GRM7: variants seen among roughly 807,000 people sequenced by gnomAD.
The protein encoded by GRM7 is metabotropic glutamate receptor 7.
GRM7 carries 35 observed loss-of-function variants against 84.5 expected under a neutral mutation model. That is an observed-to-expected ratio of 0.41 (90% CI 0.32 to 0.55). The LOEUF is 0.55. GRM7 is among the 20% of genes least tolerant of loss of function. GRM7 has a pLI of 0.19. For missense variants in GRM7, 1,003 were observed against 1,194.6 expected, an observed-to-expected ratio of 0.84 and a Z score of 2.36; for synonymous variants, 487 against 455.1, an observed-to-expected ratio of 1.07 and a Z score of -0.89.
At chr3:7,625,531 T>A (rs62235226) in intron 8 of GRM7, among the ~76,000 whole-genome samples, 20,060 of 152,128 alleles carry the variant, frequency 0.13, 1,530 homozygotes, top group Non-Finnish European at 0.17. Context: ...TTGGCTGGGC[T>A]TGGTGGCCCC....
intron 1 of GRM7, among the ~76,000 whole-genome samples, chr3:7,017,547 T>C (rs1436479560): frequency 6.6e-6 from 1 of 152,170 alleles, no homozygotes; most frequent in African/African-American, 2.4e-5. Flanking sequence ...AAAGTAATGC[T>C]GTGGCCATCA....
At position 7,467,190 on chromosome 3, in the gene GRM7, C is replaced by T. The variant is rs141416471; in HGVS notation, c.1515+5468C>T. Among the ~76,000 whole-genome samples, 1,013 of 152,218 alleles carry T rather than the reference C, an allele frequency of 6.7e-3. 14 individuals are homozygous for T. Among genetic ancestry groups the T allele is most frequent in the South Asian group, 0.047 (229 of 4,824 alleles). ...GCAACCTCCGCCTCCCAGGTTCAAA[C>T]GACTCTCATGCCTCAGCCTCCTGAG... On this transcript the variant is annotated intron_variant, in intron 7 of 9. Transcript: ENST00000357716.
intron 9 of GRM7, among the ~76,000 whole-genome samples, chr3:7,709,483 G>A (rs1701505785): frequency 6.6e-6 from 1 of 152,124 alleles, no homozygotes; most frequent in African/African-American, 2.4e-5. Flanking sequence ...AGAAATGAGT[G>A]TCAGTGGAGA....
At chr3:7,133,966 C>T (rs1160693610) in intron 1 of GRM7, among the ~76,000 whole-genome samples, 1 of 152,140 alleles carries the variant, frequency 6.6e-6, no homozygotes, top group Non-Finnish European at 1.5e-5. Flanking sequence ...AAGTATTTCT[C>T]TAATCTACAG....
intron 1 of GRM7, among the ~76,000 whole-genome samples, chr3:6,948,394 G>C (rs1397717763): frequency 6.6e-6 from 1 of 152,156 alleles, no homozygotes; most frequent in Non-Finnish European, 1.5e-5. Context: ...CTGAGTTCTA[G>C]TTTGATTGCA....
intron 8 of GRM7, among the ~76,000 whole-genome samples, chr3:7,662,732 G>A (rs989426226): frequency 6.6e-6 from 1 of 152,186 alleles, no homozygotes; most frequent in African/African-American, 2.4e-5. Context: ...AGCAGGAAAT[G>A]AACAGATGGT....
chr3:6,995,180 TA>T (rs1182923378), intron 1 of GRM7, among the ~76,000 whole-genome samples: 4 of 152,228 alleles, frequency 2.6e-5, no homozygotes, highest in Admixed American at 6.5e-5. Flanking sequence ...ACATGAGTGA[TA>T]AATGCATTTT....
intron 1 of GRM7, among the ~76,000 whole-genome samples, chr3:6,951,772 A>G (rs1409932417): frequency 6.6e-6 from 1 of 152,210 alleles, no homozygotes; most frequent in Non-Finnish European, 1.5e-5. Context: ...AATGTCAATT[A>G]GGTCAAGTTA....
chr3:7,227,487 G>A (rs530048565), intron 2 of GRM7, among the ~76,000 whole-genome samples: 48 of 152,108 alleles, frequency 3.2e-4, no homozygotes, highest in African/African-American at 1.1e-3. Context: ...CTATTGTATC[G>A]CATGCCTACT....
intron 3 of GRM7, among the ~76,000 whole-genome samples, chr3:7,305,347 T>TC (rs1303743370): frequency 2.0e-5 from 2 of 98,900 alleles, no homozygotes; most frequent in African/African-American, 6.3e-5. Flanking sequence ...TTTTTTCTTT[T>TC]TTTTTTTTTT....
intron 2 of GRM7, among the ~76,000 whole-genome samples, chr3:7,243,363 C>G (rs555187362): frequency 6.6e-6 from 1 of 152,138 alleles, no homozygotes; most frequent in South Asian, 2.1e-4. Context: ...AACTTAATTT[C>G]CTAGCTAAAA....
At chr3:7,020,692 TATC>T (rs1381230915) in intron 1 of GRM7, among the ~76,000 whole-genome samples, 2 of 152,218 alleles carry the variant, frequency 1.3e-5, no homozygotes, top group South Asian at 2.1e-4. Context: ...ACACTATAAA[TATC>T]ATCCTGGTAA....
At chr3:6,999,031 A>C (rs1032927416) in intron 1 of GRM7, among the ~76,000 whole-genome samples, 2 of 152,218 alleles carry the variant, frequency 1.3e-5, no homozygotes, top group African/African-American at 4.8e-5. Context: ...TTCTCCCCAG[A>C]AAATGGGTTT....
intron 2 of GRM7, among the ~76,000 whole-genome samples, chr3:7,276,749 T>C (rs1307975286): frequency 1.6e-3 from 50 of 30,530 alleles, no homozygotes; most frequent in African/African-American, 5.2e-3. Context: ...TTCTTTCTGT[T>C]TCTTTCTCTC....
intron 1 of GRM7, among the ~76,000 whole-genome samples, chr3:6,945,446 T>C (rs1575048202): frequency 1.3e-5 from 2 of 152,206 alleles, no homozygotes; most frequent in Admixed American, 6.5e-5. Context: ...CCACATTTTC[T>C]TAATCCAGTC....
chr3:7,052,879 A>T (rs1166464945), intron 1 of GRM7, among the ~76,000 whole-genome samples: 1 of 151,448 alleles, frequency 6.6e-6, no homozygotes, highest in Non-Finnish European at 1.5e-5. Flanking sequence ...TTCAGTAGAC[A>T]TATGCCTTAA....
chr3:7,700,011 G>C (rs1701168632), intron 9 of GRM7, among the ~76,000 whole-genome samples: 1 of 152,136 alleles, frequency 6.6e-6, no homozygotes, highest in Non-Finnish European at 1.5e-5. Context: ...TGGGTGAGAT[G>C]GCACAAGCTA....
intron 1 of GRM7, among the ~76,000 whole-genome samples, chr3:6,950,645 C>T (rs1210297479): frequency 2.0e-5 from 3 of 152,206 alleles, no homozygotes; most frequent in Non-Finnish European, 2.9e-5. Context: ...CTGTGCCCTG[C>T]CCCCAGAGGT....
chr3:7,382,883 G>C lies in GRM7; in HGVS notation c.1034-32140G>C, dbSNP rs565369426. 3.9e-5 allele frequency among the ~76,000 whole-genome samples: 6 copies of C among 152,304 alleles called. 1 individual carries two copies. Among genetic ancestry groups the C allele is most frequent in the Admixed American group, 3.9e-4 (6 of 15,294 alleles). ...TCAGTAGGCTCTGGACTTTGGAACA[G>C]ATCATTTACATCTCATTTCACACAT... On this transcript the variant is annotated intron_variant, in intron 4 of 9. Coordinates refer to ENST00000357716, the MANE Select transcript of GRM7 (RefSeq NM_000844.4).
Sources: gnomAD v4.1 joint callset for allele counts (sites outside exome capture counted in the v4.1 genomes callset) on GRCh38, gnomAD v4.1.1 for gene constraint, MANE v1.5 for transcripts, NCBI Gene and HGNC (gene_info 2026-07-23, HGNC 2026-07-21) for gene names.